Variants in PPP6R3 observed in about 807,000 individuals in gnomAD.
PPP6R3 encodes the protein protein phosphatase 6 regulatory subunit 3, also known as serine/threonine-protein phosphatase 6 regulatory subunit 3.
In PPP6R3, 38 loss-of-function variants were observed where a neutral mutation model predicts 110.7. The observed-to-expected ratio is 0.34, with a 90% CI of 0.26 to 0.45. The LOEUF (loss-of-function observed/expected upper bound fraction) is 0.45. Among genes scored for constraint, PPP6R3 ranks in the 20% least tolerant of loss-of-function variants. PPP6R3 has a pLI of 1.00. For missense variants in PPP6R3, 870 were observed against 1,062.4 expected, an observed-to-expected ratio of 0.82 and a Z score of 2.52; for synonymous variants, 369 against 373.5, an observed-to-expected ratio of 0.99 and a Z score of 0.14.
At chr11:68,495,726 A>G (rs1156401633) in intron 1 of PPP6R3, among the ~76,000 whole-genome samples, 4 of 152,208 alleles carry the variant, frequency 2.6e-5, no homozygotes, top group Admixed American at 2.6e-4. Flanking sequence ...TTATTTATTC[A>G]TTCATCAGTT....
At chr11:68,506,386 T>C (rs2099076525) in intron 1 of PPP6R3, among the ~76,000 whole-genome samples, 1 of 112,362 alleles carries the variant, frequency 8.9e-6, no homozygotes, top group Non-Finnish European at 1.7e-5. Flanking sequence ...ATTATGGGCA[T>C]GAACTGCTGC....
At chr11:68,470,253 G>T (rs1018860801) in intron 1 of PPP6R3, among the ~76,000 whole-genome samples, 1 of 152,188 alleles carries the variant, frequency 6.6e-6, no homozygotes, top group Non-Finnish European at 1.5e-5. Flanking sequence ...GGGAGTGCTT[G>T]TCTGCAGATT....
intron 1 of PPP6R3, among the ~76,000 whole-genome samples, chr11:68,475,875 G>C (rs528707151): frequency 3.3e-5 from 5 of 151,812 alleles, no homozygotes; most frequent in African/African-American, 1.2e-4. Flanking sequence ...TCGCGGACGG[G>C]CAGAGGCGCT....
At chr11:68,531,794 T>C (rs968139027) in intron 2 of PPP6R3, among the ~76,000 whole-genome samples, 1 of 152,192 alleles carries the variant, frequency 6.6e-6, no homozygotes, top group African/African-American at 2.4e-5. Context: ...CCTGTTTTGC[T>C]AAGGATCCTG....
intron 1 of PPP6R3, among the ~76,000 whole-genome samples, chr11:68,462,727 A>C (rs2098717104): frequency 6.6e-6 from 1 of 152,286 alleles, no homozygotes; most frequent in Middle Eastern, 3.4e-3. Context: ...AAATAAACTC[A>C]CAATCCTTTA....
chr11:68,557,981 T>C (rs572471601), intron 7 of PPP6R3, among the ~76,000 whole-genome samples: 5 of 152,384 alleles, frequency 3.3e-5, no homozygotes, highest in Admixed American at 3.3e-4. Flanking sequence ...TAATGCTTTT[T>C]GGACATTTAA....
At chr11:68,486,761 A>C (rs1431204877) in intron 1 of PPP6R3, among the ~76,000 whole-genome samples, 1 of 151,936 alleles carries the variant, frequency 6.6e-6, no homozygotes, top group Non-Finnish European at 1.5e-5. Context: ...GTTATTATTC[A>C]AATTTTAAAT....
At chr11:68,592,217 A>G (rs915273090) in intron 18 of PPP6R3, among the ~76,000 whole-genome samples, 23 of 151,932 alleles carry the variant, frequency 1.5e-4, no homozygotes, top group Admixed American at 1.2e-3. Flanking sequence ...TACACAGACA[A>G]ATCTTGTTAT....
chr11:68,551,466 C>T (rs548179446), intron 6 of PPP6R3, among the ~76,000 whole-genome samples: 2 of 152,216 alleles, frequency 1.3e-5, no homozygotes, highest in Admixed American at 6.5e-5. Context: ...TTTGTACAAA[C>T]CTCCTTTGTT....
At chr11:68,587,186 C>G (rs541429278) in intron 15 of PPP6R3, 2 of 149,508 alleles carry the variant, frequency 1.3e-5, no homozygotes, top group African/African-American at 4.9e-5. Context: ...ACCCCCCCCC[C>G]CCACATTTTC....
At chr11:68,509,270 C>T (rs1203221740) in intron 1 of PPP6R3, among the ~76,000 whole-genome samples, 5 of 152,164 alleles carry the variant, frequency 3.3e-5, no homozygotes, top group Non-Finnish European at 7.3e-5. Context: ...TTCAAAGCAT[C>T]TCTTTGTGGC....
At chr11:68,500,835 A>G (rs904491961) in intron 1 of PPP6R3, among the ~76,000 whole-genome samples, 1 of 152,186 alleles carries the variant, frequency 6.6e-6, no homozygotes, top group Admixed American at 6.5e-5. Context: ...CTGGAGGTTG[A>G]ATGTGGAGCT....
chr11:68,522,753 G>C (rs1565585837), intron 2 of PPP6R3: 1 of 152,144 alleles, frequency 6.6e-6, no homozygotes, highest in Non-Finnish European at 1.5e-5. Flanking sequence ...GCCCTTTTCT[G>C]TTCTATACAC....
chr11:68,556,217 T>G (rs1343641717), intron 7 of PPP6R3, among the ~76,000 whole-genome samples: 1 of 152,118 alleles, frequency 6.6e-6, no homozygotes, highest in Non-Finnish European at 1.5e-5. Flanking sequence ...CATGCATAAA[T>G]GTTAAGCACA....
chr11:68,554,244 G>A lies in PPP6R3; in HGVS notation c.718G>A (p.Ala240Thr). 6.2e-7 allele frequency: 1 copy of A among 1,610,526 alleles called. No individual in the cohort carries two copies. The highest frequency in any genetic ancestry group is 1.7e-5 in the Admixed American group (1 of 59,768). The change falls in exon 7 of 24, where the codon GCC becomes ACC. Residue 240 changes from alanine to threonine, a missense_variant. Ala to Thr is a moderately conservative substitution (Grantham distance 58). Transcript: ENST00000393800. Reference sequence around the variant, plus strand: ...CAGTACAGAGCCCGACCCCCTGCTTGCCACTCTAGAAAAGTATGTGTAAAA... The same window carrying A: ...CAGTACAGAGCCCGACCCCCTGCTTACCACTCTAGAAAAGTATGTGTAAAA... The part of the protein sequence containing the change: ...QNSTEPDPLL[A>T]TLEKQEIIEQ...
intron 18 of PPP6R3, among the ~76,000 whole-genome samples, chr11:68,592,116 G>A (rs183690389): frequency 2.0e-5 from 3 of 152,240 alleles, no homozygotes; most frequent in African/African-American, 4.8e-5. Context: ...GGGGAAGATA[G>A]GGCCATGTCA....
chr11:68,583,178 G>A, intron 15 of PPP6R3, 49 bp downstream of exon 15: 1 of 1,357,708 alleles, frequency 7.4e-7, no homozygotes, highest in Non-Finnish European at 1.0e-6. Flanking sequence ...TAAATGCTTA[G>A]TTTAGTTGCC....
At chr11:68,503,060 C>G (rs2099056318) in intron 1 of PPP6R3, among the ~76,000 whole-genome samples, 1 of 151,354 alleles carries the variant, frequency 6.6e-6, no homozygotes. Flanking sequence ...TCTCCTGCCT[C>G]AGCCTCCCGA....
At chr11:68,548,959 C>T (rs181168806) in intron 5 of PPP6R3, among the ~76,000 whole-genome samples, 4 of 152,202 alleles carry the variant, frequency 2.6e-5, no homozygotes, top group South Asian at 2.1e-4. Flanking sequence ...GGCGTGATCT[C>T]GGCTCACTGC....
Sources: allele counts gnomAD v4.1 joint callset (sites outside exome capture counted in the v4.1 genomes callset), GRCh38; gene constraint gnomAD v4.1.1; transcripts MANE v1.5; gene names NCBI Gene and HGNC (gene_info 2026-07-23, HGNC 2026-07-21).